Variants in SLF1 observed in about 807,000 individuals in gnomAD.
The protein encoded by SLF1 is SMC5-SMC6 complex localization factor protein 1.
In SLF1, 105 loss-of-function variants were observed where a neutral mutation model predicts 123.0. The observed-to-expected ratio is 0.85, with a 90% CI of 0.73 to 1.00. The LOEUF is 1.00. Among genes scored for constraint, SLF1 ranks in the 50% least tolerant of loss-of-function variants. The probability of loss-of-function intolerance (pLI) is 0.00; values close to 1 mark genes in which losing one functional copy is unlikely to be tolerated. For missense variants in SLF1, 1,239 were observed against 1,223.0 expected (o/e 1.01, Z -0.20); for synonymous variants, 434 against 406.6 (o/e 1.07, Z -0.81).
At chr5:94,687,553 G>A (rs555947770) in intron 16 of SLF1, among the ~76,000 whole-genome samples, 1 of 152,100 alleles carries the variant, frequency 6.6e-6, no homozygotes, top group South Asian at 2.1e-4. Context: ...AAATTAGCTG[G>A]GCATGGTGGC....
chr5:94,644,503 T>C (rs1282994262), intron 5 of SLF1, among the ~76,000 whole-genome samples: 4 of 152,208 alleles, frequency 2.6e-5, no homozygotes, highest in Admixed American at 6.5e-5. Flanking sequence ...TTCACTCTTA[T>C]CTATGCTCAC....
intron 15 of SLF1, among the ~76,000 whole-genome samples, chr5:94,683,595 T>C (rs1752071512): frequency 6.6e-6 from 1 of 152,180 alleles, no homozygotes; most frequent in Non-Finnish European, 1.5e-5. Flanking sequence ...CAGGGCAGAT[T>C]GTTTTAGTCA....
chr5:94,687,925 A>G (rs1366661056), intron 16 of SLF1, among the ~76,000 whole-genome samples: 1 of 151,516 alleles, frequency 6.6e-6, no homozygotes, highest in African/African-American at 2.4e-5. Context: ...AAAGTTTTCC[A>G]GTTTTATTTT....
intron 4 of SLF1, among the ~76,000 whole-genome samples, chr5:94,642,464 T>C (rs978438557): frequency 6.6e-6 from 1 of 152,226 alleles, no homozygotes; most frequent in African/African-American, 2.4e-5. Flanking sequence ...ACTGTGTTGC[T>C]CCTTTGATCT....
At chr5:94,637,776 T>C (rs1745982400) in intron 4 of SLF1, among the ~76,000 whole-genome samples, 1 of 152,174 alleles carries the variant, frequency 6.6e-6, no homozygotes, top group Admixed American at 6.5e-5. Flanking sequence ...TACTGAATGC[T>C]GTTCTGCATA....
chr5:94,666,098 G>C (rs1351849677), intron 12 of SLF1, 74 bp downstream of exon 12: 30 of 1,289,372 alleles, frequency 2.3e-5, no homozygotes, highest in Non-Finnish European at 3.1e-5. Flanking sequence ...TTAAGATACT[G>C]ATGAAAGAAG....
At chr5:94,635,253 T>C (rs1315157850) in intron 4 of SLF1, among the ~76,000 whole-genome samples, 2 of 151,846 alleles carry the variant, frequency 1.3e-5, no homozygotes, top group Admixed American at 6.6e-5. Flanking sequence ...TTCGTTTACA[T>C]GGAGTATCCT....
chr5:94,685,380 ATAGT>A (rs1469436257), intron 15 of SLF1, among the ~76,000 whole-genome samples: 40 of 152,086 alleles, frequency 2.6e-4, no homozygotes, highest in East Asian at 1.9e-4. Flanking sequence ...TCCAGTATTT[ATAGT>A]TAATCTCCCT....
In SLF1 at chr5:94,686,711, A is replaced by C; in HGVS notation, c.2114A>C (p.Gln705Pro). 1 of 1,613,770 alleles carries C rather than the reference A, an allele frequency of 6.2e-7. No homozygotes were observed. The highest frequency in any genetic ancestry group is 8.5e-7 in the Non-Finnish European group (1 of 1,179,848). Reference sequence around the variant, plus strand: ...GTTTCTTCTGAGCCACTCTCTCTTCAGAAAATGGTAAGTACCTCTCTATTC... The same window carrying C: ...GTTTCTTCTGAGCCACTCTCTCTTCCGAAAATGGTAAGTACCTCTCTATTC... ...GSVSSEPLSL[Q>P]KMVYSYLPAL... is the part of the protein sequence containing the mutation. Residue 705 changes from glutamine (Q) to proline (P), a missense_variant, in exon 16 of 21, where the codon CAG becomes CCG. By Grantham distance (76) the Gln-to-Pro change is moderately conservative. Coordinates refer to ENST00000265140, the MANE Select transcript of SLF1 (RefSeq NM_032290.4).
At chr5:94,656,713 A>ATAACC (rs1748422720) in intron 9 of SLF1, among the ~76,000 whole-genome samples, 2 of 151,662 alleles carry the variant, frequency 1.3e-5, no homozygotes, top group African/African-American at 4.8e-5. Context: ...TTGGTAGGTT[A>ATAACC]TATGTGTCCA....
Position 94,665,942 on chromosome 5 carries a change from G to C in SLF1, c.1450G>C (p.Ala484Pro). The change falls in exon 12 of 21, where the codon GCC becomes CCC. Residue 484 changes from alanine (A) to proline (P), a missense_variant. By Grantham distance (27) the Ala-to-Pro change is conservative. Coordinates refer to ENST00000265140, the MANE Select transcript of SLF1 (RefSeq NM_032290.4). ...CCTGCATCCTCCTTGGAAGTCTCCAGCCATGTCGAGATATTATTTAGAGTT... is the reference window on the plus strand; with the variant it reads ...CCTGCATCCTCCTTGGAAGTCTCCACCCATGTCGAGATATTATTTAGAGTT... ...LHLHPPWKSP[A>P]MSRYYLELFQ... The C allele has an allele frequency of 6.4e-7, 1 of 1,551,168 alleles. No homozygotes were observed. The highest frequency in any genetic ancestry group is 8.7e-7 in the Non-Finnish European group (1 of 1,146,488).
At chr5:94,684,966 G>C (rs1752247829) in intron 15 of SLF1, among the ~76,000 whole-genome samples, 1 of 152,228 alleles carries the variant, frequency 6.6e-6, no homozygotes, top group African/African-American at 2.4e-5. Flanking sequence ...GCTGTCCTGT[G>C]TATTGCAGCG....
intron 1 of SLF1, among the ~76,000 whole-genome samples, chr5:94,627,022 C>T (rs1280109732): frequency 6.6e-6 from 1 of 152,144 alleles, no homozygotes; most frequent in Non-Finnish European, 1.5e-5. Context: ...AATTTTTACT[C>T]TTAAATGAAT....
At chr5:94,670,402 A>T (rs1750307267) in intron 13 of SLF1, 123 bp downstream of exon 13, 3 of 885,810 alleles carry the variant, frequency 3.4e-6, no homozygotes, top group East Asian at 6.6e-5. Flanking sequence ...TTTAAGATAG[A>T]TTTGTTTTTA....
intron 13 of SLF1, 41 bp downstream of exon 13, chr5:94,670,320 G>A (rs1750295437): frequency 1.4e-6 from 2 of 1,388,204 alleles, no homozygotes; most frequent in Non-Finnish European, 1.9e-6. Context: ...CTAAATTTTG[G>A]TTGTTTTTAT....
In SLF1 at chr5:94,695,001, T is replaced by A. The variant is rs1422628192; in HGVS notation, c.2866T>A (p.Ser956Thr). The A allele has an allele frequency of 1.2e-6, 2 of 1,612,332 alleles. No homozygotes were observed. Among genetic ancestry groups the A allele is most frequent in the South Asian group, 2.2e-5 (2 of 90,936 alleles). Reference protein sequence around the residue: ...HFHYQQLEFGSFLLSRMLLNF... With the variant: ...HFHYQQLEFGTFLLSRMLLNF... ...TCATTACCAGCAACTTGAATTTGGC[T>A]CCTTTTTACTTAGTAGGATGTTGCT... Residue 956 changes from serine (S) to threonine (T), a missense_variant, in exon 21 of 21, where the codon TCC (serine) becomes ACC (threonine). Coordinates refer to ENST00000265140, the MANE Select transcript of SLF1 (RefSeq NM_032290.4).
At chr5:94,677,996 C>T in intron 14 of SLF1, among the ~76,000 whole-genome samples, 1 of 151,638 alleles carries the variant, frequency 6.6e-6, no homozygotes, top group East Asian at 1.9e-4. Flanking sequence ...TCTCCTCTTA[C>T]TGCAAGCTCC....
chr5:94,651,958 G>T lies in SLF1; in HGVS notation c.882+113G>T, dbSNP rs375037488. On this transcript the variant is annotated intron_variant, in intron 7 of 20. Transcript: ENST00000265140. ...AAATGAGTTATGTATCCAATAGCTA[G>T]ATTAAGAAATAGAGCATTACCAGTT... 27 of 456,810 alleles carry T rather than the reference G, an allele frequency of 5.9e-5. No individual in the cohort carries two copies. In the South Asian group the frequency reaches 2.1e-3, roughly 35 times the overall value. The allele number at this position is 456,810 out of a possible 1,614,324, so 28.3% of individuals were successfully genotyped here.
intron 4 of SLF1, among the ~76,000 whole-genome samples, chr5:94,639,760 A>C (rs533779312): frequency 6.6e-6 from 1 of 152,338 alleles, no homozygotes; most frequent in Admixed American, 6.5e-5. Flanking sequence ...GGATCATCAT[A>C]AACGTCTTCA....
Sources: gnomAD v4.1 joint callset for allele counts (sites outside exome capture counted in the v4.1 genomes callset) on GRCh38, gnomAD v4.1.1 for gene constraint, MANE v1.5 for transcripts, NCBI Gene and HGNC (gene_info 2026-07-23, HGNC 2026-07-21) for gene names.